Variants in PRKN observed in about 807,000 individuals in gnomAD.
PRKN encodes E3 ubiquitin-protein ligase parkin.
PRKN carries 56 observed loss-of-function variants against 59.5 expected under a neutral mutation model. The ratio of observed to expected loss-of-function variants is 0.94; its 90% CI spans 0.76 to 1.18. The LOEUF is 1.18. PRKN is among the 50% of genes most tolerant of loss of function. The pLI is 0.00. For synonymous variants in PRKN, 250 were observed against 222.1 expected, an observed-to-expected ratio of 1.13 and a Z score of -1.12; for missense variants, 657 against 596.4, an observed-to-expected ratio of 1.10 and a Z score of -1.06.
At chr6:162,445,152 G>A (rs1790249781) in intron 1 of PRKN, among the ~76,000 whole-genome samples, 1 of 151,984 alleles carries the variant, frequency 6.6e-6, no homozygotes, top group African/African-American at 2.4e-5. Flanking sequence ...ATAATAATCA[G>A]GCACTTACTA....
chr6:161,866,114 C>T (rs200328738), intron 6 of PRKN, among the ~76,000 whole-genome samples: 7 of 151,992 alleles, frequency 4.6e-5, no homozygotes, highest in African/African-American at 1.2e-4. Context: ...TGGTGATGGG[C>T]GGTCACTGGA....
intron 1 of PRKN, among the ~76,000 whole-genome samples, chr6:162,672,304 A>C (rs1457882404): frequency 6.6e-6 from 1 of 152,162 alleles, no homozygotes; most frequent in Middle Eastern, 3.2e-3. Context: ...ATTGTGAAAA[A>C]ACTTCACTCA....
chr6:162,372,374 A>G (rs1232846709), intron 2 of PRKN, among the ~76,000 whole-genome samples: 1 of 152,144 alleles, frequency 6.6e-6, no homozygotes, highest in Non-Finnish European at 1.5e-5. Flanking sequence ...ACTCTCATTT[A>G]CACGCTGTGC....
chr6:162,143,309 C>T (rs938331008), intron 4 of PRKN, among the ~76,000 whole-genome samples: 6 of 152,180 alleles, frequency 3.9e-5, no homozygotes, highest in African/African-American at 1.4e-4. Context: ...CTGGCTGGTA[C>T]GAGTCTTTAT....
At position 161,463,221 on chromosome 6, in the gene PRKN, G is replaced by T. The variant is rs1005385287; in HGVS notation, c.1084-76344C>A. ...CCAGATTCAGCACGGCCTCTGGAAG[G>T]TGACTGCCAGGTCAGCTTCACTGTC... is the stretch of plus-strand genomic sequence containing the variant. On this transcript the variant is annotated intron_variant, in intron 9 of 11. Transcript: ENST00000366898. This position sits in a 1 kb window ranked among gnomAD's most constrained non-coding sequence, Gnocchi z 4.8. Among the ~76,000 whole-genome samples the T allele has an allele frequency of 6.6e-6, 1 of 152,116 alleles. No homozygotes were observed. The highest frequency in any genetic ancestry group is 1.5e-5 in the Non-Finnish European group (1 of 68,016).
rs1787767245 is a variant in PRKN, at chr6:161,414,871, A to G, written c.1084-27994T>C. Among the ~76,000 whole-genome samples the G allele has an allele frequency of 6.6e-6, 1 of 152,164 alleles. No homozygotes were observed. On this transcript the variant is annotated intron_variant, in intron 9 of 11. Transcript: ENST00000366898. This position sits in a 1 kb window ranked among gnomAD's most constrained non-coding sequence, Gnocchi z 5.3. ...TTAAGAGGCTTCCGTTTCAAATACAAACTCTCTCATCAGTCACAGGAAATT... is the reference window on the plus strand; with the variant it reads ...TTAAGAGGCTTCCGTTTCAAATACAGACTCTCTCATCAGTCACAGGAAATT...
rs566075363 is a variant in PRKN at position 161,507,794 on chromosome 6, A to G, written c.1083+41060T>C. Among the ~76,000 whole-genome samples the G allele has an allele frequency of 1.2e-4, 19 of 152,238 alleles. 1 individual carries two copies. The South Asian group carries it at 3.9e-3, about 32-fold the overall frequency. On this transcript the variant is annotated intron_variant, in intron 9 of 11. Transcript: ENST00000366898. ...CTAAAACCTCCTTAAACATTCAGTAAACTATATTTTCATAACGGGTTTTCA... is the reference window on the plus strand; with the variant it reads ...CTAAAACCTCCTTAAACATTCAGTAGACTATATTTTCATAACGGGTTTTCA...
chr6:161,869,004 T>C (rs1794232902), intron 6 of PRKN, among the ~76,000 whole-genome samples: 1 of 152,196 alleles, frequency 6.6e-6, no homozygotes, highest in Admixed American at 6.5e-5. Context: ...CTATAAATAA[T>C]AATGTGAACC....
In PRKN at chr6:161,560,945, C is replaced by T. The variant is rs145163888; in HGVS notation, c.933+8410G>A. Among the ~76,000 whole-genome samples, 12 of 152,258 alleles carry T rather than the reference C, an allele frequency of 7.9e-5. No individual in the cohort carries two copies. The highest frequency in any genetic ancestry group is 3.9e-4 in the East Asian group (2 of 5,164). On this transcript the variant is annotated intron_variant, in intron 8 of 11. Coordinates refer to ENST00000366898, the MANE Select transcript of PRKN (RefSeq NM_004562.3). The surrounding 1 kb of genome is among the most constrained non-coding windows in gnomAD (Gnocchi z 4.9). ...TTCTTTATCTGATGGCAAAATTCCA[C>T]GCCTGGAAAACATCACCTCCACCTT...
At chr6:161,850,660 C>T (rs1209857905) in intron 6 of PRKN, among the ~76,000 whole-genome samples, 3 of 151,832 alleles carry the variant, frequency 2.0e-5, no homozygotes, top group African/African-American at 4.8e-5. Context: ...GGCTTCTTCC[C>T]GTTCAGTAAT....
At chr6:162,310,339 T>G (rs930981334) in intron 2 of PRKN, among the ~76,000 whole-genome samples, 31 of 152,096 alleles carry the variant, frequency 2.0e-4, no homozygotes, top group Non-Finnish European at 1.9e-4. Flanking sequence ...CCAGGCCAGT[T>G]CCCCACCATA....
At chr6:162,677,433 TC>T (rs143448231) in intron 1 of PRKN, among the ~76,000 whole-genome samples, 2,095 of 121,958 alleles carry the variant, frequency 0.017, 57 homozygotes, top group African/African-American at 0.063. Flanking sequence ...ACCCTCTATA[TC>T]CATTAGTCCC....
intron 7 of PRKN, among the ~76,000 whole-genome samples, chr6:161,618,564 TA>T (rs1727948465): frequency 6.6e-6 from 1 of 152,130 alleles, no homozygotes; most frequent in African/African-American, 2.4e-5. Flanking sequence ...CTACAAACAA[TA>T]CATCAATATA....
At chr6:162,438,119 C>T (rs9347640) in intron 2 of PRKN, among the ~76,000 whole-genome samples, 17,759 of 152,092 alleles carry the variant, frequency 0.12, 1,417 homozygotes, top group African/African-American at 0.23. Flanking sequence ...TTTAATTTAC[C>T]TACTTTACCT....
rs541815590 is a variant in PRKN at position 162,272,752 on chromosome 6, C to A, written c.172-9987G>T. On this transcript the variant is annotated intron_variant, in intron 2 of 11. Coordinates refer to ENST00000366898, the MANE Select transcript of PRKN (RefSeq NM_004562.3). ...GTGGCTCATGCTTGTAATCCCAGCA[C>A]TTTGGGAGGCTGAGGTGGGCAGATC... Among the ~76,000 whole-genome samples, 10 of 152,034 alleles carry A rather than the reference C, an allele frequency of 6.6e-5. No individual in the cohort carries two copies. In the East Asian group the frequency reaches 1.9e-3, roughly 29 times the overall value.
intron 6 of PRKN, among the ~76,000 whole-genome samples, chr6:161,910,740 G>C (rs1004196153): frequency 2.0e-5 from 3 of 152,102 alleles, no homozygotes; most frequent in Non-Finnish European, 4.4e-5. Context: ...ACATTTCATT[G>C]TTGTCTTATT....
intron 6 of PRKN, among the ~76,000 whole-genome samples, chr6:161,817,518 G>C (rs1408301333): frequency 6.6e-6 from 1 of 152,180 alleles, no homozygotes; most frequent in East Asian, 1.9e-4. Flanking sequence ...TTTATTAAGT[G>C]ATGTTGAGAC....
chr6:162,395,957 G>A (rs1204344188), intron 2 of PRKN, among the ~76,000 whole-genome samples: 2 of 152,212 alleles, frequency 1.3e-5, no homozygotes, highest in African/African-American at 4.8e-5. Context: ...TGTACCCAAT[G>A]CACCAGGCAC....
At chr6:162,654,979 C>T (rs1345394656) in intron 1 of PRKN, among the ~76,000 whole-genome samples, 1 of 152,154 alleles carries the variant, frequency 6.6e-6, no homozygotes, top group South Asian at 2.1e-4. Flanking sequence ...AAAAATAATG[C>T]TCTAGTCTTT....
Sources: allele counts gnomAD v4.1 joint callset (sites outside exome capture counted in the v4.1 genomes callset), GRCh38; gene constraint gnomAD v4.1.1; non-coding constraint Gnocchi (gnomAD v3.1); transcripts MANE v1.5; gene names NCBI Gene and HGNC (gene_info 2026-07-23, HGNC 2026-07-21).